Variants in CDH13 observed in about 807,000 individuals in gnomAD.
CDH13 encodes the protein cadherin 13, also known as cadherin-13.
In CDH13, 24 loss-of-function variants were observed where a neutral mutation model predicts 63.8. The observed-to-expected ratio is 0.38, with a 90% CI of 0.27 to 0.53. The LOEUF (loss-of-function observed/expected upper bound fraction) is 0.53, where lower values mean the gene tolerates loss of function less well. Ranked by LOEUF, CDH13 falls within the 20% of genes least tolerant of loss-of-function variation. CDH13 has a pLI of 0.85. For missense variants in CDH13, 1,049 were observed against 903.1 expected (o/e 1.16, Z -2.07); for synonymous variants, 503 against 355.3 (o/e 1.42, Z -4.67).
At chr16:83,715,729 G>T (rs139063717) in intron 10 of CDH13, among the ~76,000 whole-genome samples, 212 of 152,312 alleles carry the variant, frequency 1.4e-3, no homozygotes, top group Middle Eastern at 0.01. Context: ...CCCAGGCCAG[G>T]AGTCAGAGTT....
At chr16:83,606,600 G>C (rs906873849) in intron 8 of CDH13, among the ~76,000 whole-genome samples, 3 of 151,894 alleles carry the variant, frequency 2.0e-5, no homozygotes, top group African/African-American at 7.2e-5. Flanking sequence ...AATTATCCAG[G>C]CATGTAGTCC....
At chr16:83,097,377 C>G (rs926547128) in intron 3 of CDH13, among the ~76,000 whole-genome samples, 3 of 152,096 alleles carry the variant, frequency 2.0e-5, no homozygotes, top group Non-Finnish European at 4.4e-5. Flanking sequence ...TGGGGTGCTG[C>G]CAAATATAAC....
chr16:82,767,695 A>T (rs2035108161), intron 1 of CDH13, among the ~76,000 whole-genome samples: 1 of 152,090 alleles, frequency 6.6e-6, no homozygotes, highest in Admixed American at 6.6e-5. Flanking sequence ...CTCCAATCCC[A>T]AACTTTTCCA....
intron 7 of CDH13, among the ~76,000 whole-genome samples, chr16:83,592,448 A>G (rs1486522489): frequency 2.0e-5 from 3 of 152,216 alleles, no homozygotes; most frequent in Non-Finnish European, 4.4e-5. Flanking sequence ...TGTTTCAGTG[A>G]ACTCACACTG....
intron 2 of CDH13, among the ~76,000 whole-genome samples, chr16:82,870,132 A>T (rs2040292885): frequency 6.6e-6 from 1 of 152,220 alleles, no homozygotes; most frequent in Non-Finnish European, 1.5e-5. Flanking sequence ...CAATAGAAAA[A>T]AAAATCTCAT....
chr16:83,120,620 A>G (rs374830290), intron 3 of CDH13, among the ~76,000 whole-genome samples: 2 of 152,124 alleles, frequency 1.3e-5, no homozygotes, highest in Non-Finnish European at 2.9e-5. Context: ...GGCTCAAGAT[A>G]TTTTTTTAAT....
chr16:83,660,399 C>T (rs1444603176), intron 8 of CDH13, among the ~76,000 whole-genome samples: 2 of 152,108 alleles, frequency 1.3e-5, no homozygotes, highest in Non-Finnish European at 2.9e-5. Context: ...GTGTGCAGTT[C>T]ACTATAGGGT....
At chr16:83,302,060 A>G (rs1203979604) in intron 5 of CDH13, among the ~76,000 whole-genome samples, 2 of 152,130 alleles carry the variant, frequency 1.3e-5, no homozygotes, top group Non-Finnish European at 2.9e-5. Flanking sequence ...CTGAAAAATG[A>G]AAGTGGGGAT....
intron 7 of CDH13, among the ~76,000 whole-genome samples, chr16:83,581,403 C>G (rs530450267): frequency 6.6e-6 from 1 of 152,208 alleles, no homozygotes; most frequent in East Asian, 1.9e-4. Context: ...ATGCTCCTGC[C>G]TCAAGACTTT....
At chr16:83,433,153 C>T (rs1295649708) in intron 6 of CDH13, among the ~76,000 whole-genome samples, 4 of 152,128 alleles carry the variant, frequency 2.6e-5, no homozygotes, top group Non-Finnish European at 4.4e-5. Context: ...CTAGACAGAC[C>T]AAGTCCCCGT....
chr16:83,687,236 T>C (rs1904393753), intron 10 of CDH13, among the ~76,000 whole-genome samples: 1 of 152,106 alleles, frequency 6.6e-6, no homozygotes, highest in Non-Finnish European at 1.5e-5. Flanking sequence ...TAGACATAGC[T>C]TGCATTAGTC....
chr16:82,921,584 C>T lies in CDH13; in HGVS notation c.157+63111C>T, dbSNP rs8044572. ...CAGGTAGTATTTACAGGTTGCAGGG[C>T]TCAGGATCTGACATCTTTGGGACCC... On this transcript the variant is annotated intron_variant, in intron 2 of 13. Coordinates refer to ENST00000567109, the MANE Select transcript of CDH13 (RefSeq NM_001257.5). Among the ~76,000 whole-genome samples, 22 of 152,212 alleles carry T rather than the reference C, an allele frequency of 1.4e-4. No individual in the cohort carries two copies. In the East Asian group the frequency reaches 3.1e-3, roughly 21 times the overall value.
chr16:82,656,132 A>G (rs575859904), intron 1 of CDH13, among the ~76,000 whole-genome samples: 2 of 152,328 alleles, frequency 1.3e-5, no homozygotes, highest in South Asian at 2.1e-4. Context: ...AAAAGATGAC[A>G]TATGAGCTGA....
At chr16:83,169,190 T>A (rs1273988137) in intron 4 of CDH13, among the ~76,000 whole-genome samples, 1 of 152,174 alleles carries the variant, frequency 6.6e-6, no homozygotes, top group East Asian at 1.9e-4. Flanking sequence ...GTTTCCTTTT[T>A]TTTTTGAGAC....
intron 5 of CDH13, among the ~76,000 whole-genome samples, chr16:83,248,347 CTGT>C (rs1181403277): frequency 6.6e-6 from 1 of 152,174 alleles, no homozygotes; most frequent in Non-Finnish European, 1.5e-5. Context: ...GCGGGTCTAT[CTGT>C]TGTTGTTTGC....
intron 5 of CDH13, among the ~76,000 whole-genome samples, chr16:83,272,985 G>C (rs1024705427): frequency 2.6e-5 from 4 of 151,432 alleles, no homozygotes; most frequent in Non-Finnish European, 4.4e-5. Context: ...AATCTGCTCA[G>C]ATAACCCAAT....
At chr16:83,480,752 G>A (rs2073741102) in intron 6 of CDH13, among the ~76,000 whole-genome samples, 1 of 152,126 alleles carries the variant, frequency 6.6e-6, no homozygotes, top group African/African-American at 2.4e-5. Context: ...GTTCTCATTT[G>A]GAACCAGGAG....
intron 7 of CDH13, among the ~76,000 whole-genome samples, chr16:83,569,380 T>G (rs1318051708): frequency 6.6e-6 from 1 of 152,212 alleles, no homozygotes; most frequent in East Asian, 1.9e-4. Context: ...CTCAGGGCTA[T>G]CTCTGACAAA....
intron 2 of CDH13, among the ~76,000 whole-genome samples, chr16:83,017,497 C>G (rs1914921255): frequency 6.6e-6 from 1 of 152,196 alleles, no homozygotes. Context: ...TCCAGCTTTC[C>G]TACTTACAGA....
Sources: gnomAD v4.1 joint callset for allele counts (sites outside exome capture counted in the v4.1 genomes callset) on GRCh38, gnomAD v4.1.1 for gene constraint, MANE v1.5 for transcripts, NCBI Gene and HGNC (gene_info 2026-07-23, HGNC 2026-07-21) for gene names.